CYTH3: variants seen among roughly 807,000 people sequenced by gnomAD.
CYTH3 encodes cytohesin-3.
Under a neutral mutation model 55.1 loss-of-function variants are expected in CYTH3, and 23 were observed. That is an observed-to-expected ratio of 0.42 (90% CI 0.30 to 0.59). The LOEUF (loss-of-function observed/expected upper bound fraction) is 0.59, where lower values mean the gene tolerates loss of function less well. Among genes scored for constraint, CYTH3 ranks in the 20% least tolerant of loss-of-function variants. CYTH3 has a pLI of 0.20. For missense variants in CYTH3, 413 were observed against 524.8 expected (o/e 0.79, Z 2.08); for synonymous variants, 249 against 194.9 (o/e 1.28, Z -2.31).
chr7:6,209,693 C>G (rs1784281751), intron 1 of CYTH3, among the ~76,000 whole-genome samples: 4 of 152,036 alleles, frequency 2.6e-5, no homozygotes, highest in Admixed American at 2.0e-4. Flanking sequence ...TTATAATTGC[C>G]AAAAACTGAA....
chr7:6,217,120 C>G (rs1331278834), intron 1 of CYTH3, among the ~76,000 whole-genome samples: 1 of 152,142 alleles, frequency 6.6e-6, no homozygotes, highest in African/African-American at 2.4e-5. Context: ...ACCATGTTGG[C>G]CAGGCTGGTC....
At chr7:6,216,929 G>C (rs1172467305) in intron 1 of CYTH3, among the ~76,000 whole-genome samples, 1 of 146,744 alleles carries the variant, frequency 6.8e-6, no homozygotes, top group East Asian at 2.0e-4. Flanking sequence ...TTTTTTTTTG[G>C]TGTGACTGAG....
intron 1 of CYTH3, among the ~76,000 whole-genome samples, chr7:6,266,497 T>C (rs1049596257): frequency 1.3e-5 from 2 of 152,232 alleles, no homozygotes; most frequent in South Asian, 4.1e-4. Flanking sequence ...TTCATGTACT[T>C]AGAATAAAAT....
At chr7:6,172,731 C>G in intron 6 of CYTH3, 1 of 1,185,342 alleles carries the variant, frequency 8.4e-7, no homozygotes, top group Non-Finnish European at 1.1e-6. Flanking sequence ...CCAGACTCAC[C>G]AGGCCTGCAC....
At chr7:6,187,007 A>C in intron 4 of CYTH3, 43 bp downstream of exon 4, 2 of 1,582,220 alleles carry the variant, frequency 1.3e-6, no homozygotes. Context: ...CAAATCAATT[A>C]GTCCATCTCC....
chr7:6,181,973 G>T (rs1012738330), intron 4 of CYTH3, among the ~76,000 whole-genome samples: 2 of 152,094 alleles, frequency 1.3e-5, no homozygotes, highest in African/African-American at 4.8e-5. Flanking sequence ...TCTCTTTGAT[G>T]ATATTTATAA....
chr7:6,189,313 C>CT lies in CYTH3; in HGVS notation c.117+1135dup, dbSNP rs1353882323. ...GTGCCTGTGTTTTTATTTGTCTTTA[C>CT]TTTTTCTTTTTTTTAGACAGGGTCT... On this transcript the variant is annotated intron_variant, in intron 2 of 12. Transcript: ENST00000350796. Among the ~76,000 whole-genome samples the CT allele has an allele frequency of 1.6e-3, 242 of 151,192 alleles. 1 individual carries two copies. The highest frequency in any genetic ancestry group is 5.3e-3 in the African/African-American group (217 of 40,936).
intron 1 of CYTH3, among the ~76,000 whole-genome samples, chr7:6,228,787 C>T (rs377374075): frequency 4.6e-5 from 7 of 152,128 alleles, no homozygotes; most frequent in East Asian, 3.9e-4. Flanking sequence ...TGTAAAAATC[C>T]GCCCCTTTTT....
chr7:6,266,070 T>C (rs1780483896), intron 1 of CYTH3, among the ~76,000 whole-genome samples: 1 of 152,080 alleles, frequency 6.6e-6, no homozygotes, highest in South Asian at 2.1e-4. Flanking sequence ...TTTATATATA[T>C]CCTTCCCTCC....
chr7:6,170,231 A>G lies in CYTH3; in HGVS notation c.823+304T>C, dbSNP rs911958481. 2.6e-6 allele frequency: 1 copy of G among 391,618 alleles called. No individual in the cohort carries two copies. Among genetic ancestry groups the G allele is most frequent in the Non-Finnish European group, 4.6e-6 (1 of 217,040 alleles). The allele number at this position is 391,618 out of a possible 1,614,324, so 24.3% of individuals were successfully genotyped here. On this transcript the variant is annotated intron_variant, in intron 9 of 12. Transcript: ENST00000350796. The surrounding 1 kb of genome is among the most constrained non-coding windows in gnomAD (Gnocchi z 7.8). ...GAGGCACACAGGCTCTGTGGAGATA[A>G]TGCGCTTGCTTCTCGTGCAGGAAGC...
intron 1 of CYTH3, among the ~76,000 whole-genome samples, chr7:6,202,694 G>A (rs893119078): frequency 1.3e-5 from 2 of 151,944 alleles, no homozygotes; most frequent in Non-Finnish European, 2.9e-5. Context: ...CCCGACCTGA[G>A]GTGATCCGCC....
intron 6 of CYTH3, 118 bp downstream of exon 6, chr7:6,173,535 A>G: frequency 2.8e-6 from 2 of 726,152 alleles, no homozygotes; most frequent in Non-Finnish European, 5.1e-6. Context: ...AGGAGCCAGC[A>G]TCTGTGAGAC....
chr7:6,219,083 C>T (rs909073779), intron 1 of CYTH3, among the ~76,000 whole-genome samples: 4 of 150,390 alleles, frequency 2.7e-5, no homozygotes, highest in South Asian at 2.1e-4. Flanking sequence ...TCTGTATCAT[C>T]TTAGAGAATA....
intron 1 of CYTH3, among the ~76,000 whole-genome samples, chr7:6,262,017 A>C (rs1308725739): frequency 6.6e-6 from 1 of 152,202 alleles, no homozygotes; most frequent in Non-Finnish European, 1.5e-5. Flanking sequence ...GGAATCTTTA[A>C]AAAAAATCAA....
At chr7:6,271,845 T>A (rs1412040713) in intron 1 of CYTH3, among the ~76,000 whole-genome samples, 2 of 152,076 alleles carry the variant, frequency 1.3e-5, no homozygotes, top group Admixed American at 1.3e-4. Flanking sequence ...AGTTTTTTGC[T>A]CAATCTGTCG....
chr7:6,216,071 TG>T (rs1784417009), intron 1 of CYTH3, among the ~76,000 whole-genome samples: 1 of 152,162 alleles, frequency 6.6e-6, no homozygotes, highest in Admixed American at 6.5e-5. Context: ...AGAAGGGAAA[TG>T]ATCAAAGAAG....
chr7:6,239,080 G>A (rs1481797399), intron 1 of CYTH3, among the ~76,000 whole-genome samples: 1 of 152,092 alleles, frequency 6.6e-6, no homozygotes, highest in African/African-American at 2.4e-5. Context: ...CAAGCATGGT[G>A]GTACATGCCT....
chr7:6,259,757 T>TAA lies in CYTH3; in HGVS notation c.34+12716_34+12717insTT, dbSNP rs1554255069. Among the ~76,000 whole-genome samples, 28 of 37,464 alleles carry TAA rather than the reference T, an allele frequency of 7.5e-4. 1 individual carries two copies. Among genetic ancestry groups the TAA allele is most frequent in the African/African-American group, 3.8e-3 (16 of 4,176 alleles). The allele number at this position is 37,464 out of a possible 152,430, so 24.6% of individuals were successfully genotyped here. On this transcript the variant is annotated intron_variant, in intron 1 of 12. Coordinates refer to ENST00000350796, the MANE Select transcript of CYTH3 (RefSeq NM_004227.4). Reference sequence around the variant, plus strand: ...TACATATATATAATATATATATATATTATATATATATATATTATATATATA... The same window carrying TAA: ...TACATATATATAATATATATATATATAATATATATATATATATTATATATATA...
chr7:6,193,672 C>A (rs117887883), intron 1 of CYTH3, among the ~76,000 whole-genome samples: 463 of 152,294 alleles, frequency 3.0e-3, no homozygotes, highest in Non-Finnish European at 4.7e-3. Context: ...GGAGGGTCAA[C>A]TAAAATAAGG....
Sources: gnomAD v4.1 joint callset for allele counts (sites outside exome capture counted in the v4.1 genomes callset) on GRCh38, gnomAD v4.1.1 for gene constraint, Gnocchi (gnomAD v3.1) non-coding constraint, MANE v1.5 for transcripts, NCBI Gene and HGNC (gene_info 2026-07-23, HGNC 2026-07-21) for gene names.